Variants in CIITA observed in about 807,000 individuals in gnomAD.
The protein encoded by CIITA is class II major histocompatibility complex transactivator.
Under a neutral mutation model 115.1 loss-of-function variants are expected in CIITA, and 72 were observed. The ratio of observed to expected loss-of-function variants is 0.63; its 90% confidence interval spans 0.52 to 0.76. CIITA has a LOEUF of 0.76. Ranked by LOEUF, CIITA falls within the 30% of genes least tolerant of loss-of-function variation. CIITA has a pLI of 0.00. For missense variants in CIITA, 1,617 were observed against 1,463.8 expected (o/e 1.10, Z -1.71); for synonymous variants, 763 against 635.6 (o/e 1.20, Z -3.02).
intron 9 of CIITA, 83 bp from the exon 10 acceptor site, chr16:10,904,661 G>A: frequency 6.9e-7 from 1 of 1,442,916 alleles, no homozygotes; most frequent in Non-Finnish European, 9.8e-7. Flanking sequence ...CATGAAGGCT[G>A]TAAGGACTAA....
At chr16:10,867,585 T>C (rs2035174332) in intron 1 of CIITA, among the ~76,000 whole-genome samples, 1 of 151,982 alleles carries the variant, frequency 6.6e-6, no homozygotes, top group South Asian at 2.1e-4. Context: ...AAGAACTCGC[T>C]TACGGGAGAG....
intron 1 of CIITA, among the ~76,000 whole-genome samples, chr16:10,891,212 T>G (rs548754160): frequency 6.7e-6 from 1 of 150,352 alleles, no homozygotes; most frequent in East Asian, 2.0e-4. Flanking sequence ...AGGACAAGGG[T>G]GATCATTTCA....
At chr16:10,888,593 T>C (rs1184633622) in intron 1 of CIITA, 2 of 152,204 alleles carry the variant, frequency 1.3e-5, no homozygotes, top group Non-Finnish European at 2.9e-5. Flanking sequence ...CAGTGTGAAG[T>C]GGGGATGAAA....
At chr16:10,870,444 G>C (rs1457726131) in intron 1 of CIITA, among the ~76,000 whole-genome samples, 2 of 152,242 alleles carry the variant, frequency 1.3e-5, no homozygotes, top group Non-Finnish European at 2.9e-5. Context: ...AGTCCCAAGA[G>C]TCAAAGTCCT....
intron 1 of CIITA, chr16:10,866,553 C>A (rs114632924): frequency 1.3e-4 from 69 of 545,728 alleles, no homozygotes; most frequent in South Asian, 8.8e-4. Context: ...AGAGGGGCCC[C>A]GGCCACAGTG....
In CIITA at chr16:10,892,743, GCCAA is replaced by G. The variant is rs1016157652; in HGVS notation, c.53-2537_53-2534del. Among the ~76,000 whole-genome samples the G allele has an allele frequency of 2.2e-4, 34 of 152,300 alleles. 1 individual carries two copies. The highest frequency in any genetic ancestry group is 3.4e-3 in the Middle Eastern group (1 of 294). ...AGGTCAGGAGTTCAAGACCAGCGTGGCCAACATGGCAAAACCCCATTTCTACTAA... is the reference window on the plus strand; with the variant it reads ...AGGTCAGGAGTTCAAGACCAGCGTGGCATGGCAAAACCCCATTTCTACTAA... On this transcript the variant is annotated intron_variant, in intron 1 of 19. Transcript: ENST00000324288.
Position 10,906,644 on chromosome 16 carries a change from C to G in CIITA, c.1152C>G (p.Thr384=), listed in dbSNP as rs1158389422. ...SSKSLERELA[T]PDWAERQLAQ... The stretch of plus-strand genomic sequence containing the variant: ...AGAGCCTGGAGCGGGAACTGGCCAC[C>G]CCGGACTGGGCAGAACGGCAGCTGG... Residue 384 remains threonine, a synonymous_variant, in exon 11 of 20, where the codon ACC becomes ACG. Coordinates refer to ENST00000324288, the MANE Select transcript of CIITA (RefSeq NM_000246.4). 1.2e-6 allele frequency: 2 copies of G among 1,613,768 alleles called. No homozygotes were observed. The highest frequency in any genetic ancestry group is 1.7e-6 in the Non-Finnish European group (2 of 1,179,982).
rs2040997270 is a variant in CIITA, at chr16:10,935,706, G to C, written c.*11851G>C. The C allele has an allele frequency of 6.6e-6, 1 of 152,232 alleles. No individual in the cohort carries two copies. Among genetic ancestry groups the C allele is most frequent in the African/African-American group, 2.4e-5 (1 of 41,446 alleles). The allele number at this position is 152,232 out of a possible 1,614,324, so 9.4% of individuals were successfully genotyped here. On this transcript the variant is annotated 3_prime_UTR_variant, in exon 20 of 20. Coordinates refer to ENST00000324288, the MANE Select transcript of CIITA (RefSeq NM_000246.4). ...ACAGATGGCATGTGCCTCTCGATAA[G>C]ATGCACTGAAGACACACACTCACTT... is the stretch of plus-strand genomic sequence containing the variant.
chr16:10,902,625 A>C, intron 7 of CIITA, 33 bp from the exon 8 acceptor site: 1 of 1,613,912 alleles, frequency 6.2e-7, no homozygotes, highest in African/African-American at 1.3e-5. Context: ...GGTGCTATGC[A>C]AGATCCCACC....
rs76594621 is a variant in CIITA at position 10,934,555 on chromosome 16, C to T, written c.*10700C>T. 7.4e-3 allele frequency: 1,130 copies of T among 152,344 alleles called. 3 individuals are homozygous for T. The highest frequency in any genetic ancestry group is 0.012 in the Non-Finnish European group (809 of 68,062). 9.4% of individuals were successfully genotyped at this position (152,344 alleles called of 1,614,324 possible). On this transcript the variant is annotated 3_prime_UTR_variant, in exon 20 of 20. Transcript: ENST00000324288. The surrounding 1 kb of genome is among the most constrained non-coding windows in gnomAD (Gnocchi z 4.2). ...CTCACTGGGGGAAACATCAGGACAG[C>T]GTGGCCAGGAGCCCAATGCTGCCAC...
chr16:10,882,117 C>T (rs2036490523), intron 1 of CIITA, among the ~76,000 whole-genome samples: 1 of 152,184 alleles, frequency 6.6e-6, no homozygotes, highest in Non-Finnish European at 1.5e-5. Context: ...AATAATCTTG[C>T]TAGGTACATG....
At position 10,922,027 on chromosome 16, in the gene CIITA, C is replaced by T. The variant is rs1446197976; in HGVS notation, c.3150-140C>T. The T allele has an allele frequency of 3.9e-6, 3 of 774,436 alleles. No individual in the cohort carries two copies. The African/African-American group carries it at 5.1e-5, about 13-fold the overall frequency. The allele number at this position is 774,436 out of a possible 1,614,324, so 48.0% of individuals were successfully genotyped here. ...TGTAAGTACTTGGCACAATGCCAGGCTCTGTTGTGCAATAAATATTGATTC... is the reference window on the plus strand; with the variant it reads ...TGTAAGTACTTGGCACAATGCCAGGTTCTGTTGTGCAATAAATATTGATTC... On this transcript the variant is annotated intron_variant, in intron 16 of 19. Transcript: ENST00000324288.
chr16:10,891,332 A>G (rs1465667280), intron 1 of CIITA, among the ~76,000 whole-genome samples: 1 of 152,078 alleles, frequency 6.6e-6, no homozygotes, highest in African/African-American at 2.4e-5. Flanking sequence ...GTCTTGTGCA[A>G]GTCACGTCCT....
At chr16:10,873,479 C>T (rs1346379957), upstream of CIITA, among the ~76,000 whole-genome samples, 1 of 152,124 alleles carries the variant, frequency 6.6e-6, no homozygotes, top group Non-Finnish European at 1.5e-5. Context: ...GCTGGAAGCG[C>T]GATGAAGGTG....
chr16:10,923,372 C>A lies in CIITA; in HGVS notation c.*22+47C>A. On this transcript the variant is annotated intron_variant, in intron 19 of 19. Coordinates refer to ENST00000324288, the MANE Select transcript of CIITA (RefSeq NM_000246.4). The surrounding 1 kb of genome is among the most constrained non-coding windows in gnomAD (Gnocchi z 5.2). Reference sequence around the variant, plus strand: ...GGGGAGAGCCGCAGTGGGTTGGGGGCAGTGTCCTTGTGAAGGTGGCATTCA... The same window carrying A: ...GGGGAGAGCCGCAGTGGGTTGGGGGAAGTGTCCTTGTGAAGGTGGCATTCA... 6.9e-7 allele frequency: 1 copy of A among 1,449,660 alleles called. No homozygotes were observed. The highest frequency in any genetic ancestry group is 9.7e-7 in the Non-Finnish European group (1 of 1,033,064). 89.8% of individuals were successfully genotyped at this position (1,449,660 alleles called of 1,614,324 possible).
intron 1 of CIITA, among the ~76,000 whole-genome samples, chr16:10,871,654 C>T (rs6498115): frequency 0.049 from 7,505 of 152,212 alleles, 1,043 homozygotes; most frequent in Admixed American, 0.28. Context: ...TGTGAGAAAC[C>T]AGAGCTGTGA....
At chr16:10,869,148 G>A (rs932366236) in intron 1 of CIITA, among the ~76,000 whole-genome samples, 3 of 152,230 alleles carry the variant, frequency 2.0e-5, no homozygotes, top group Non-Finnish European at 4.4e-5. Context: ...GCCCTCTGCT[G>A]TGCTAAACGC....
At chr16:10,875,811 T>C (rs552352819), upstream of CIITA, among the ~76,000 whole-genome samples, 12 of 152,092 alleles carry the variant, frequency 7.9e-5, no homozygotes, top group South Asian at 2.1e-4. Context: ...GCTGGGACTA[T>C]AGTTGTGCAC....
upstream of CIITA, among the ~76,000 whole-genome samples, chr16:10,876,317 C>T (rs974704062): frequency 6.6e-6 from 1 of 152,198 alleles, no homozygotes; most frequent in Non-Finnish European, 1.5e-5. Flanking sequence ...GCCCAGCCAT[C>T]TACTTTATAT....
Sources: allele counts gnomAD v4.1 joint callset (sites outside exome capture counted in the v4.1 genomes callset), GRCh38; gene constraint gnomAD v4.1.1; non-coding constraint Gnocchi (gnomAD v3.1); transcripts MANE v1.5; gene names NCBI Gene and HGNC (gene_info 2026-07-23, HGNC 2026-07-21).